XNDC1N: variants seen among roughly 807,000 people sequenced by gnomAD.
XNDC1N encodes the protein XRCC1 N-terminal domain containing 1, N-terminal like, also known as protein XNDC1N.
At chr11:71,898,977 A>G in the XNDC1N span, among the ~76,000 whole-genome samples, 2 of 152,208 alleles carry the variant, frequency 1.3e-5, no homozygotes, top group African/African-American at 4.8e-5. Flanking sequence ...GGATGTTTAA[A>G]AAGAAAAGAA....
the XNDC1N span, among the ~76,000 whole-genome samples, chr11:71,901,578 A>G: frequency 2.0e-5 from 3 of 152,072 alleles, no homozygotes; most frequent in East Asian, 1.9e-4. Context: ...CAGCCTGGGC[A>G]ACAGAACGAG....
At chr11:71,916,118 A>C in the XNDC1N span, 283 of 703,042 alleles carry the variant, frequency 4.0e-4, 11 homozygotes, top group South Asian at 4.2e-3. Context: ...CCCACCACAG[A>C]GTCATCTAAG....
the XNDC1N span, among the ~76,000 whole-genome samples, chr11:71,882,659 A>G: frequency 1.2e-4 from 18 of 152,372 alleles, no homozygotes; most frequent in Non-Finnish European, 2.4e-4. Flanking sequence ...GTGAAAAACT[A>G]AAAGCTTTTC....
chr11:71,923,338 T>G, the XNDC1N span: 1 of 703,018 alleles, frequency 1.4e-6, no homozygotes, highest in Non-Finnish European at 2.6e-6. Flanking sequence ...ACATGGCTGA[T>G]CTTCACAGGA....
the XNDC1N span, chr11:71,916,067 T>C: frequency 4.3e-6 from 3 of 701,726 alleles, no homozygotes; most frequent in East Asian, 5.4e-5. Context: ...TCCATCATCA[T>C]ACATACCTTG....
At chr11:71,908,939 T>C in the XNDC1N span, among the ~76,000 whole-genome samples, 3 of 151,800 alleles carry the variant, frequency 2.0e-5, no homozygotes, top group African/African-American at 7.3e-5. Context: ...ACAGAGAAGC[T>C]CTCCTGGAAG....
chr11:71,890,959 T>A, the XNDC1N span, among the ~76,000 whole-genome samples: 1 of 151,770 alleles, frequency 6.6e-6, no homozygotes, highest in Non-Finnish European at 1.5e-5. Flanking sequence ...CCTTGCATAT[T>A]GGGAACAACA....
At chr11:71,891,364 C>A in the XNDC1N span, among the ~76,000 whole-genome samples, 1 of 151,806 alleles carries the variant, frequency 6.6e-6, no homozygotes, top group Non-Finnish European at 1.5e-5. Flanking sequence ...GGTGTGTTCA[C>A]CCCCTGCGAT....
the XNDC1N span, among the ~76,000 whole-genome samples, chr11:71,906,636 A>G: frequency 2.5e-4 from 38 of 152,282 alleles, no homozygotes; most frequent in Admixed American, 1.1e-3. Flanking sequence ...ATGCCCTGTG[A>G]CCTTAGTAGT....
At chr11:71,918,183 ACTC>A in the XNDC1N span, among the ~76,000 whole-genome samples, 1 of 151,622 alleles carries the variant, frequency 6.6e-6, no homozygotes, top group African/African-American at 2.4e-5. Flanking sequence ...CAATCCATAA[ACTC>A]CTATTCAGCC....
At chr11:71,888,744 T>C in the XNDC1N span, among the ~76,000 whole-genome samples, 2 of 152,196 alleles carry the variant, frequency 1.3e-5, no homozygotes, top group Admixed American at 6.5e-5. Context: ...TCCCGTGCTG[T>C]CGTGACTTTA....
chr11:71,871,859 T>A, the XNDC1N span, among the ~76,000 whole-genome samples: 2 of 152,120 alleles, frequency 1.3e-5, no homozygotes, highest in Non-Finnish European at 2.9e-5. Flanking sequence ...TGACCAGTGA[T>A]AAAATATGTC....
chr11:71,913,328 C>T, the XNDC1N span, among the ~76,000 whole-genome samples: 1 of 151,680 alleles, frequency 6.6e-6, no homozygotes, highest in Non-Finnish European at 1.5e-5. Context: ...GGTGTGTTAA[C>T]CCCCTGCGAT....
the XNDC1N span, among the ~76,000 whole-genome samples, chr11:71,887,466 G>T: frequency 6.6e-6 from 1 of 152,020 alleles, no homozygotes; most frequent in Non-Finnish European, 1.5e-5. Context: ...CCCGAGAGGA[G>T]GAAAGGAGAC....
chr11:71,913,552 G>T, the XNDC1N span, among the ~76,000 whole-genome samples: 2 of 151,736 alleles, frequency 1.3e-5, no homozygotes, highest in Non-Finnish European at 2.9e-5. Flanking sequence ...CCAGCTACTC[G>T]GGAGGCTGAG....
At chr11:71,901,374 G>A in the XNDC1N span, among the ~76,000 whole-genome samples, 8 of 152,070 alleles carry the variant, frequency 5.3e-5, no homozygotes, top group African/African-American at 1.7e-4. Context: ...TGAGGCAGGC[G>A]AATCACAAGG....
At chr11:71,865,532 ATTTT>A in the XNDC1N span, 2 of 110,594 alleles carry the variant, frequency 1.8e-5, no homozygotes, top group South Asian at 5.2e-4. Context: ...ATTTCTTTTT[ATTTT>A]TAAGTGAGAC....
At chr11:71,885,931 G>C in the XNDC1N span, among the ~76,000 whole-genome samples, 2 of 149,894 alleles carry the variant, frequency 1.3e-5, no homozygotes, top group Admixed American at 6.6e-5. Context: ...CATTATTATC[G>C]GTATTGATTT....
the XNDC1N span, chr11:71,903,881 T>A: frequency 2.6e-6 from 1 of 380,726 alleles, no homozygotes; most frequent in East Asian, 7.3e-5. Flanking sequence ...GAGGGTTTCA[T>A]CATCAGGTGG....
Sources: allele counts gnomAD v4.1 joint callset (sites outside exome capture counted in the v4.1 genomes callset), GRCh38; gene constraint gnomAD v4.1.1; transcripts MANE v1.5; gene names NCBI Gene and HGNC (gene_info 2026-07-23, HGNC 2026-07-21).